Variants in KIAA1549L observed in about 807,000 individuals in gnomAD.
KIAA1549L encodes the protein KIAA1549 like.
KIAA1549L carries 88 observed loss-of-function variants against 160.7 expected under a neutral mutation model. That is an observed-to-expected ratio of 0.55 (90% confidence interval 0.46 to 0.65). The LOEUF is 0.65. Among genes scored for constraint, KIAA1549L ranks in the 30% least tolerant of loss-of-function variants. The pLI is 0.00. For synonymous variants in KIAA1549L, 950 were observed against 976.7 expected (o/e 0.97, Z 0.51); for missense variants, 2,258 against 2,437.5 (o/e 0.93, Z 1.55).
intron 8 of KIAA1549L, among the ~76,000 whole-genome samples, chr11:33,567,068 G>A (rs780808631): frequency 6.6e-6 from 1 of 152,158 alleles, no homozygotes; most frequent in African/African-American, 2.4e-5. Flanking sequence ...GATAGTAAGT[G>A]AACACAGCAG....
chr11:33,547,276 C>T (rs578034934), intron 3 of KIAA1549L, among the ~76,000 whole-genome samples: 6 of 152,320 alleles, frequency 3.9e-5, no homozygotes, highest in East Asian at 1.9e-4. Context: ...GCTCTGGCAG[C>T]GTCCTAGGCT....
At chr11:33,597,578 G>A (rs559677947) in intron 12 of KIAA1549L, among the ~76,000 whole-genome samples, 9 of 152,282 alleles carry the variant, frequency 5.9e-5, no homozygotes, top group South Asian at 2.1e-4. Flanking sequence ...CCTGCCTCCC[G>A]CTTGTCTCCC....
intron 1 of KIAA1549L, among the ~76,000 whole-genome samples, chr11:33,480,468 C>T (rs113546496): frequency 0.024 from 3,714 of 152,230 alleles, 107 homozygotes; most frequent in South Asian, 0.089. Flanking sequence ...GGAATAATGC[C>T]GCTGTGAACA....
intron 1 of KIAA1549L, among the ~76,000 whole-genome samples, chr11:33,500,710 C>T (rs951076633): frequency 1.3e-5 from 2 of 152,102 alleles, no homozygotes; most frequent in Non-Finnish European, 2.9e-5. Flanking sequence ...TATGGATATT[C>T]CAATCACCCT....
At chr11:33,618,349 GAA>G (rs58112331) in intron 15 of KIAA1549L, among the ~76,000 whole-genome samples, 182 bp from the exon 16 acceptor site, 3 of 148,200 alleles carry the variant, frequency 2.0e-5, no homozygotes, top group African/African-American at 7.4e-5. Flanking sequence ...ACAGCATCTG[GAA>G]AAAAAAAAAT....
At chr11:33,533,922 G>A (rs1200519715) in intron 1 of KIAA1549L, among the ~76,000 whole-genome samples, 1 of 152,026 alleles carries the variant, frequency 6.6e-6, no homozygotes, top group African/African-American at 2.4e-5. Flanking sequence ...TTCTTTAGAC[G>A]ACTAATTCCC....
At chr11:33,650,025 G>A (rs558846560) in intron 17 of KIAA1549L, among the ~76,000 whole-genome samples, 2 of 152,310 alleles carry the variant, frequency 1.3e-5, no homozygotes, top group African/African-American at 4.8e-5. Flanking sequence ...TTATACAAAA[G>A]TTATTAGTGG....
chr11:33,580,512 T>G (rs2133261099), intron 10 of KIAA1549L, among the ~76,000 whole-genome samples: 1 of 143,214 alleles, frequency 7.0e-6, no homozygotes, highest in Non-Finnish European at 1.5e-5. Flanking sequence ...AAGCAGAGGT[T>G]GCAGTGAGCC....
intron 1 of KIAA1549L, among the ~76,000 whole-genome samples, chr11:33,454,356 T>C (rs1851779250): frequency 6.6e-6 from 1 of 152,160 alleles, no homozygotes; most frequent in Non-Finnish European, 1.5e-5. Flanking sequence ...AAGCACCTTT[T>C]GAAAACAAGG....
chr11:33,657,104 C>T (rs981942490), intron 18 of KIAA1549L, among the ~76,000 whole-genome samples: 1 of 151,994 alleles, frequency 6.6e-6, no homozygotes, highest in Non-Finnish European at 1.5e-5. Context: ...GTAGCAGATG[C>T]CTGGAACAGT....
chr11:33,598,914 A>C lies in KIAA1549L; in HGVS notation c.4846A>C (p.Lys1616Gln). The C allele has an allele frequency of 6.2e-7, 1 of 1,613,822 alleles. No individual in the cohort carries two copies. Among genetic ancestry groups the C allele is most frequent in the Non-Finnish European group, 8.5e-7 (1 of 1,179,828 alleles). The change falls in exon 13 of 21, where the codon AAA becomes CAA. Residue 1616 changes from lysine to glutamine, a missense_variant. Physicochemically the swap from Lys to Gln is moderately conservative, Grantham distance 53. Coordinates refer to ENST00000658780, the MANE Select transcript of KIAA1549L (RefSeq NM_012194.3). ...RSPQNVMAQQ[K>Q]VTKEEARKRN... Reference sequence around the variant, plus strand: ...ACCCCAGAATGTAATGGCACAGCAGAAAGTGACAAAGGAGGAGGCAAGGAA... The same window carrying C: ...ACCCCAGAATGTAATGGCACAGCAGCAAGTGACAAAGGAGGAGGCAAGGAA...
chr11:33,447,550 G>A (rs2132962813), intron 1 of KIAA1549L, among the ~76,000 whole-genome samples: 1 of 124,788 alleles, frequency 8.0e-6, no homozygotes, highest in South Asian at 3.0e-4. Flanking sequence ...ACCCATGCGT[G>A]CATGCATGCA....
chr11:33,546,975 T>C (rs1726583534), intron 3 of KIAA1549L, among the ~76,000 whole-genome samples: 1 of 152,270 alleles, frequency 6.6e-6, no homozygotes, highest in Non-Finnish European at 1.5e-5. Flanking sequence ...AAATATCTTA[T>C]TGTACCATAC....
At chr11:33,584,410 G>A (rs1406159603) in intron 11 of KIAA1549L, among the ~76,000 whole-genome samples, 2 of 152,164 alleles carry the variant, frequency 1.3e-5, no homozygotes, top group Admixed American at 6.5e-5. Flanking sequence ...CTCCACTGAA[G>A]CCTGTCCTGG....
At chr11:33,525,938 C>T (rs996935990) in intron 1 of KIAA1549L, among the ~76,000 whole-genome samples, 5 of 152,128 alleles carry the variant, frequency 3.3e-5, no homozygotes, top group East Asian at 1.9e-4. Flanking sequence ...CCACCCGCAC[C>T]GCTGCCTCCC....
At chr11:33,401,764 C>T (rs1191570721) in intron 1 of KIAA1549L, among the ~76,000 whole-genome samples, 2 of 152,186 alleles carry the variant, frequency 1.3e-5, no homozygotes, top group African/African-American at 4.8e-5. Flanking sequence ...CTCTGCCTGC[C>T]TCAGCCTCCC....
rs1348146415 is a variant in KIAA1549L, at chr11:33,376,295, G to C, written c.-357G>C. On this transcript the variant is annotated 5_prime_UTR_variant, in exon 1 of 21. Coordinates refer to ENST00000658780, the MANE Select transcript of KIAA1549L (RefSeq NM_012194.3). The surrounding 1 kb of genome is among the most constrained non-coding windows in gnomAD (Gnocchi z 5.8). Reference sequence around the variant, plus strand: ...CCCCGCGGCCGCCACCCCCGTTCCCGGCAGCCTCGCCCCCTAGTTCTGCAG... The same window carrying C: ...CCCCGCGGCCGCCACCCCCGTTCCCCGCAGCCTCGCCCCCTAGTTCTGCAG... Among the ~76,000 whole-genome samples, 1 of 148,738 alleles carries C rather than the reference G, an allele frequency of 6.7e-6. No individual in the cohort carries two copies. The highest frequency in any genetic ancestry group is 1.5e-5 in the Non-Finnish European group (1 of 66,870).
At position 33,599,753 on chromosome 11, in the gene KIAA1549L, G is replaced by A. The variant is rs987876198; in HGVS notation, c.4879+806G>A. Among the ~76,000 whole-genome samples the A allele has an allele frequency of 4.6e-5, 7 of 152,228 alleles. No homozygotes were observed. The East Asian group carries it at 9.7e-4, about 21-fold the overall frequency. ...ACTCTCATCTCCATGTGGCCCTTCC[G>A]TGTGTGATGCTGGTTTACTGGGGCC... On this transcript the variant is annotated intron_variant, in intron 13 of 20. Coordinates refer to ENST00000658780, the MANE Select transcript of KIAA1549L (RefSeq NM_012194.3).
intron 1 of KIAA1549L, among the ~76,000 whole-genome samples, chr11:33,389,208 C>T (rs1453039684): frequency 6.6e-6 from 1 of 152,142 alleles, no homozygotes; most frequent in African/African-American, 2.4e-5. Context: ...ACTGGGACTC[C>T]CAGACCTGTC....
Sources: gnomAD v4.1 joint callset for allele counts (sites outside exome capture counted in the v4.1 genomes callset) on GRCh38, gnomAD v4.1.1 for gene constraint, Gnocchi (gnomAD v3.1) non-coding constraint, MANE v1.5 for transcripts, NCBI Gene and HGNC (gene_info 2026-07-23, HGNC 2026-07-21) for gene names.